Variants in XKR4 observed in about 807,000 individuals in gnomAD.
XKR4 encodes the protein XK related 4, also known as XK-related protein 4.
In XKR4, 12 loss-of-function variants were observed where a neutral mutation model predicts 53.9. The observed-to-expected ratio is 0.22, with a 90% CI of 0.14 to 0.36. The LOEUF is 0.36. XKR4 is among the 10% of genes least tolerant of loss of function. XKR4 has a pLI of 1.00. For missense variants in XKR4, 799 were observed against 859.5 expected, an observed-to-expected ratio of 0.93 and a Z score of 0.88; for synonymous variants, 354 against 362.4, an observed-to-expected ratio of 0.98 and a Z score of 0.26.
intron 2 of XKR4, among the ~76,000 whole-genome samples, chr8:55,488,685 A>C (rs1182852082): frequency 9.8e-5 from 1 of 10,210 alleles, no homozygotes; most frequent in Non-Finnish European, 1.7e-4. Flanking sequence ...CACGCCTGTA[A>C]TCCCAGCACT....
intron 1 of XKR4, among the ~76,000 whole-genome samples, chr8:55,181,839 T>C (rs762266793): frequency 3.9e-5 from 6 of 152,174 alleles, no homozygotes; most frequent in Non-Finnish European, 8.8e-5. Flanking sequence ...CCAATCAGCT[T>C]AAAAATCTTC....
Position 55,102,968 on chromosome 8 carries a change from A to G in XKR4, c.480A>G (p.Gln160=), listed in dbSNP as rs1447957344. The G allele has an allele frequency of 6.2e-6, 10 of 1,611,554 alleles. No individual in the cohort carries two copies. Among genetic ancestry groups the G allele is most frequent in the Middle Eastern group, 1.7e-4 (1 of 6,054 alleles). The change falls in exon 1 of 3, where the codon CAA becomes CAG. Residue 160 remains glutamine (Q), a synonymous_variant. Coordinates refer to ENST00000327381, the MANE Select transcript of XKR4 (RefSeq NM_052898.2). This position sits in a 1 kb window ranked among gnomAD's most constrained non-coding sequence, Gnocchi z 5.1. The stretch of plus-strand genomic sequence containing the variant: ...TGGTGCTCGGCTCTCTGTCGGTGCA[A>G]GTGTTCAGCTTCCGCTGGTTTGTGC... The part of the protein sequence containing the change: ...FFVVLGSLSV[Q]VFSFRWFVHD...
At chr8:55,337,258 T>A (rs531713715) in intron 1 of XKR4, among the ~76,000 whole-genome samples, 1 of 152,178 alleles carries the variant, frequency 6.6e-6, no homozygotes, top group African/African-American at 2.4e-5. Context: ...AATATCAACA[T>A]GGGGGTTTCT....
At chr8:55,201,608 C>T (rs1431053165) in intron 1 of XKR4, among the ~76,000 whole-genome samples, 1 of 152,196 alleles carries the variant, frequency 6.6e-6, no homozygotes, top group Non-Finnish European at 1.5e-5. Flanking sequence ...AGAATGCTTG[C>T]TATTTCTATG....
intron 2 of XKR4, among the ~76,000 whole-genome samples, chr8:55,370,187 T>A (rs1390121193): frequency 6.6e-6 from 1 of 152,224 alleles, no homozygotes; most frequent in Non-Finnish European, 1.5e-5. Flanking sequence ...AAGTTTTTTA[T>A]TATATAATGT....
chr8:55,294,195 C>T (rs942429728), intron 1 of XKR4, among the ~76,000 whole-genome samples: 3 of 152,172 alleles, frequency 2.0e-5, no homozygotes, highest in Non-Finnish European at 4.4e-5. Flanking sequence ...GTTTGCTTCT[C>T]ATTCTTAGAA....
At chr8:55,386,516 T>C (rs1804317746) in intron 2 of XKR4, among the ~76,000 whole-genome samples, 6 of 152,230 alleles carry the variant, frequency 3.9e-5, no homozygotes. Flanking sequence ...TTGCAATGTG[T>C]TCCCGCGTTC....
intron 2 of XKR4, among the ~76,000 whole-genome samples, chr8:55,417,190 C>G: frequency 6.6e-6 from 1 of 152,232 alleles, no homozygotes; most frequent in Non-Finnish European, 1.5e-5. Flanking sequence ...TCTAGTTTCT[C>G]TCTTCCCTAA....
intron 1 of XKR4, among the ~76,000 whole-genome samples, chr8:55,201,176 T>C (rs1455743238): frequency 2.0e-5 from 3 of 152,234 alleles, no homozygotes; most frequent in Admixed American, 6.5e-5. Flanking sequence ...GTTGAAAGCC[T>C]TGAAGAAATC....
intron 1 of XKR4, among the ~76,000 whole-genome samples, chr8:55,296,254 G>C (rs187837324): frequency 6.6e-6 from 1 of 152,114 alleles, no homozygotes; most frequent in African/African-American, 2.4e-5. Context: ...GCTGTTGCAC[G>C]TATCACTTCC....
At chr8:55,315,763 G>A (rs1194094139) in intron 1 of XKR4, among the ~76,000 whole-genome samples, 3 of 152,168 alleles carry the variant, frequency 2.0e-5, no homozygotes, top group East Asian at 1.9e-4. Context: ...TTTAATCAAT[G>A]TTCTGTGAAA....
At chr8:55,424,531 T>C (rs1336452871) in intron 2 of XKR4, among the ~76,000 whole-genome samples, 1 of 152,184 alleles carries the variant, frequency 6.6e-6, no homozygotes, top group African/African-American at 2.4e-5. Flanking sequence ...AGGCATCTAA[T>C]AAAAGGCACT....
chr8:55,405,244 A>C (rs1179799112), intron 2 of XKR4, among the ~76,000 whole-genome samples: 1 of 152,174 alleles, frequency 6.6e-6, no homozygotes, highest in African/African-American at 2.4e-5. Context: ...GCGAAGAATC[A>C]GGCCTGGCAG....
intron 1 of XKR4, among the ~76,000 whole-genome samples, chr8:55,212,072 GTTTA>G (rs1817739185): frequency 6.7e-6 from 1 of 149,594 alleles, no homozygotes; most frequent in Admixed American, 6.7e-5. Flanking sequence ...GGCAATTGGT[GTTTA>G]TCTAAAGACC....
intron 1 of XKR4, among the ~76,000 whole-genome samples, chr8:55,278,034 TAAAAC>T (rs1244465720): frequency 6.6e-6 from 1 of 152,134 alleles, no homozygotes; most frequent in East Asian, 1.9e-4. Context: ...TGCTAAGTAA[TAAAAC>T]AAAGCATACA....
chr8:55,324,136 C>T (rs961545077), intron 1 of XKR4, among the ~76,000 whole-genome samples: 4 of 152,146 alleles, frequency 2.6e-5, no homozygotes, highest in Non-Finnish European at 4.4e-5. Context: ...TGCTCTGTCA[C>T]CCAGGCCAGA....
chr8:55,164,249 C>T (rs1457370310), intron 1 of XKR4: 1 of 456,392 alleles, frequency 2.2e-6, no homozygotes, highest in East Asian at 6.9e-5. Context: ...GACCCATCTC[C>T]TCTTTCTCTG....
At chr8:55,268,762 A>G (rs1362640958) in intron 1 of XKR4, among the ~76,000 whole-genome samples, 1 of 152,178 alleles carries the variant, frequency 6.6e-6, no homozygotes. Context: ...TGTAAGTGCC[A>G]TATTTCTATT....
chr8:55,210,837 T>C (rs1205026367), intron 1 of XKR4, among the ~76,000 whole-genome samples: 3 of 152,332 alleles, frequency 2.0e-5, no homozygotes, highest in African/African-American at 7.2e-5. Context: ...GGGCAGGGTG[T>C]CTCATTTGCA....
Sources: gnomAD v4.1 joint callset for allele counts (sites outside exome capture counted in the v4.1 genomes callset) on GRCh38, gnomAD v4.1.1 for gene constraint, Gnocchi (gnomAD v3.1) non-coding constraint, MANE v1.5 for transcripts, NCBI Gene and HGNC (gene_info 2026-07-23, HGNC 2026-07-21) for gene names.